Variants in UBXN8 observed in about 807,000 individuals in gnomAD.
The protein encoded by UBXN8 is UBX domain-containing protein 8.
UBXN8 carries 27 observed loss-of-function variants against 32.1 expected under a neutral mutation model. The observed-to-expected ratio is 0.84, with a 90% CI of 0.62 to 1.16. The LOEUF (loss-of-function observed/expected upper bound fraction) is 1.16, where lower values mean the gene tolerates loss of function less well. UBXN8 is among the 50% of genes most tolerant of loss of function. The pLI is 0.00. For missense variants in UBXN8, 306 were observed against 311.4 expected (o/e 0.98, Z 0.13); for synonymous variants, 109 against 111.8 (o/e 0.98, Z 0.16).
rs1214918670 is a variant in UBXN8 at position 30,756,878 on chromosome 8, A to C, written c.519A>C (p.Thr173=). Reference sequence around the variant, plus strand: ...TTCCGTCTCCTGCTGAACAGCCCACATGCAAGGAGGTAAAGTACTTCATGC... The same window carrying C: ...TTCCGTCTCCTGCTGAACAGCCCACCTGCAAGGAGGTAAAGTACTTCATGC... The part of the protein sequence containing the change: ...TEFPSPAEQP[T]CKEIPDLPEE... The change falls in exon 5 of 8, where the codon ACA becomes ACC. Residue 173 remains threonine (T), a synonymous_variant. Coordinates refer to ENST00000265616, the MANE Select transcript of UBXN8 (RefSeq NM_005671.4). 8 of 1,613,852 alleles carry C rather than the reference A, an allele frequency of 5.0e-6. No individual in the cohort carries two copies. The South Asian group carries it at 6.6e-5, about 13-fold the overall frequency.
At chr8:30,761,359 C>T (rs1172428790) in intron 6 of UBXN8, among the ~76,000 whole-genome samples, 1 of 152,144 alleles carries the variant, frequency 6.6e-6, no homozygotes, top group Non-Finnish European at 1.5e-5. Flanking sequence ...ATTCTCCTGC[C>T]TCAGCCTCCC....
In UBXN8 at chr8:30,744,225, C is replaced by T. The variant is rs755838870; in HGVS notation, c.36C>T (p.Leu12=). 3.7e-6 allele frequency: 6 copies of T among 1,613,916 alleles called. No individual in the cohort carries two copies. In the East Asian group the frequency reaches 1.1e-4, roughly 30 times the overall value. Reference sequence around the variant, plus strand: ...GTGGGGTTGTTGGCATTTTCTTCCTCTCTGCTGTCCCCCTTGTGTGTCTGG... The same window carrying T: ...GTGGGGTTGTTGGCATTTTCTTCCTTTCTGCTGTCCCCCTTGTGTGTCTGG... The part of the protein sequence containing the change: ...ASRGVVGIFF[L]SAVPLVCLEL... Residue 12 remains leucine, a synonymous_variant, in exon 1 of 8, where the codon CTC becomes CTT. Transcript: ENST00000265616.
At chr8:30,737,790 G>C (rs1324062686) in intron 1 of UBXN8, among the ~76,000 whole-genome samples, 1 of 152,162 alleles carries the variant, frequency 6.6e-6, no homozygotes, top group African/African-American at 2.4e-5. Flanking sequence ...GGAGGCTGCA[G>C]TGAGCCGTGA....
chr8:30,762,450 A>G (rs900861544), intron 6 of UBXN8, among the ~76,000 whole-genome samples: 4 of 151,994 alleles, frequency 2.6e-5, no homozygotes, highest in African/African-American at 9.7e-5. Context: ...CTGGAGTGCA[A>G]TGGCACAATC....
intron 2 of UBXN8, 30 bp downstream of exon 2, chr8:30,751,548 T>C (rs1805523856): frequency 1.3e-6 from 2 of 1,533,006 alleles, no homozygotes; most frequent in Admixed American, 2.1e-5. Context: ...TACCCTTTTA[T>C]ACCATTCTAC....
chr8:30,745,878 G>A (rs1237490619), intron 1 of UBXN8, among the ~76,000 whole-genome samples: 1 of 152,176 alleles, frequency 6.6e-6, no homozygotes, highest in South Asian at 2.1e-4. Context: ...CTTCTGAGTA[G>A]CTAGGAATAC....
intron 6 of UBXN8, among the ~76,000 whole-genome samples, chr8:30,761,471 C>G (rs893757091): frequency 6.6e-6 from 1 of 152,212 alleles, no homozygotes. Context: ...CCTGGAACTC[C>G]TGACCTCAAG....
intron 1 of UBXN8, among the ~76,000 whole-genome samples, chr8:30,738,615 C>G (rs531545825): frequency 1.5e-5 from 2 of 129,720 alleles, no homozygotes; most frequent in Non-Finnish European, 1.6e-5. Flanking sequence ...GAGCCGAGAT[C>G]GTGCCACTGC....
At chr8:30,763,694 A>G (rs1337441402) in intron 7 of UBXN8, among the ~76,000 whole-genome samples, 1 of 151,636 alleles carries the variant, frequency 6.6e-6, no homozygotes, top group Non-Finnish European at 1.5e-5. Flanking sequence ...TTTTTCTTTT[A>G]AAAACAATAC....
intron 1 of UBXN8, among the ~76,000 whole-genome samples, chr8:30,737,415 CAAA>C (rs1805090403): frequency 6.6e-6 from 1 of 152,114 alleles, no homozygotes; most frequent in African/African-American, 2.4e-5. Context: ...TAATTTCATC[CAAA>C]AACACCATCC....
intron 6 of UBXN8, among the ~76,000 whole-genome samples, chr8:30,761,276 C>T (rs1450789382): frequency 6.6e-6 from 1 of 151,282 alleles, no homozygotes; most frequent in African/African-American, 2.4e-5. Flanking sequence ...TGAAGTCTTG[C>T]TCTTGTCACC....
upstream of UBXN8, among the ~76,000 whole-genome samples, chr8:30,743,432 G>A (rs913163580): frequency 3.3e-5 from 5 of 152,172 alleles, no homozygotes; most frequent in Non-Finnish European, 7.4e-5. Context: ...GAGATTACAG[G>A]CGTGAGCCAC....
Position 30,757,552 on chromosome 8 carries a change from CAAAAACA to C in UBXN8, c.528+684_528+690del, listed in dbSNP as rs796548145. Among the ~76,000 whole-genome samples the C allele has an allele frequency of 3.1e-4, 46 of 148,874 alleles. 1 individual carries two copies. The highest frequency in any genetic ancestry group is 1.1e-3 in the South Asian group (5 of 4,696). ...GGACAACAGTAGTGAAACTCCATCT[CAAAAACA>C]AAAAACAAAAAACAAAAAGGGCTGG... is the stretch of plus-strand genomic sequence containing the variant. On this transcript the variant is annotated intron_variant, in intron 5 of 7. Coordinates refer to ENST00000265616, the MANE Select transcript of UBXN8 (RefSeq NM_005671.4).
At chr8:30,758,886 T>TG (rs1805739090) in intron 5 of UBXN8, among the ~76,000 whole-genome samples, 2 of 122,898 alleles carry the variant, frequency 1.6e-5, no homozygotes, top group Non-Finnish European at 1.7e-5. Flanking sequence ...TTTTTGTTTG[T>TG]TTTTTTTGTT....
intron 5 of UBXN8, among the ~76,000 whole-genome samples, chr8:30,757,174 A>G (rs1330206500): frequency 6.6e-6 from 1 of 151,502 alleles, no homozygotes; most frequent in Non-Finnish European, 1.5e-5. Flanking sequence ...AAAAAAAAAG[A>G]ATAATTTTCC....
chr8:30,732,144 A>G (rs1178471995), upstream of UBXN8: 2 of 330,904 alleles, frequency 6.0e-6, no homozygotes, highest in African/African-American at 4.3e-5. Context: ...GGCTTCCCCA[A>G]GGGTTCAAGA....
chr8:30,749,405 T>TAAAAA (rs60710943), intron 1 of UBXN8, among the ~76,000 whole-genome samples: 4 of 136,268 alleles, frequency 2.9e-5, no homozygotes, highest in African/African-American at 8.8e-5. Context: ...AAAAAAAAAA[T>TAAAAA]AAAATAAATA....
At chr8:30,732,752 G>C (rs1055188376) in exon 1 of UBXN8, 3 of 152,642 alleles carry the variant, frequency 2.0e-5, no homozygotes, top group Non-Finnish European at 4.4e-5. Flanking sequence ...CCTGGCCGAG[G>C]CCGGTGGCCT....
chr8:30,744,544 T>C, intron 1 of UBXN8: 1 of 523,426 alleles, frequency 1.9e-6, no homozygotes, highest in Non-Finnish European at 3.4e-6. Flanking sequence ...TGGCGAACAC[T>C]GAAAAGGAAA....
Sources: gnomAD v4.1 joint callset for allele counts (sites outside exome capture counted in the v4.1 genomes callset) on GRCh38, gnomAD v4.1.1 for gene constraint, MANE v1.5 for transcripts, NCBI Gene and HGNC (gene_info 2026-07-23, HGNC 2026-07-21) for gene names.